PHC2: variants seen among roughly 807,000 people sequenced by gnomAD.
PHC2 encodes polyhomeotic homolog 2, also known as polyhomeotic-like protein 2.
A neutral mutation model predicts 87.4 loss-of-function variants in PHC2; 29 were observed. The observed-to-expected ratio is 0.33, with a 90% CI of 0.25 to 0.45. The LOEUF is 0.45. Ranked by LOEUF, PHC2 falls within the 20% of genes least tolerant of loss-of-function variation. PHC2 has a pLI of 1.00. For missense variants in PHC2, 857 were observed against 1,136.7 expected, an observed-to-expected ratio of 0.75 and a Z score of 3.54; for synonymous variants, 438 against 461.7, an observed-to-expected ratio of 0.95 and a Z score of 0.66.
chr1:33,424,163 A>C (rs1451879706), intron 1 of PHC2, among the ~76,000 whole-genome samples: 1 of 152,204 alleles, frequency 6.6e-6, no homozygotes, highest in Non-Finnish European at 1.5e-5. Flanking sequence ...TTGTTGAGTA[A>C]ATTAATACTA....
At chr1:33,336,934 A>G (rs1646650498) in intron 9 of PHC2, 1 of 152,258 alleles carries the variant, frequency 6.6e-6, no homozygotes, top group Non-Finnish European at 1.5e-5. Context: ...TGAGTTGATG[A>G]TTCAATCAAA....
chr1:33,393,186 G>A (rs1456466207), intron 1 of PHC2, among the ~76,000 whole-genome samples: 1 of 152,132 alleles, frequency 6.6e-6, no homozygotes, highest in African/African-American at 2.4e-5. Flanking sequence ...CTGGCGCCCA[G>A]AGCAACCTCG....
rs888137699 is a variant in PHC2 at position 33,430,970 on chromosome 1, C to G, written c.-55+6G>C. On this transcript the variant is annotated splice_donor_region_variant and intron_variant, in intron 1 of 14. Coordinates refer to ENST00000683057, the MANE Select transcript of PHC2 (RefSeq NM_001385109.1). ...TGGCCCCAGCGCGCACGCGCCCGCC[C>G]GTTACCTGCGGTCGCCTCCGCGCTC... The G allele has an allele frequency of 2.3e-4, 35 of 151,900 alleles. 1 individual carries two copies. The highest frequency in any genetic ancestry group is 1.9e-3 in the Admixed American group (29 of 15,252). 9.4% of individuals were successfully genotyped at this position (151,900 alleles called of 1,614,324 possible).
At chr1:33,326,875 G>C (rs1415958174) in intron 14 of PHC2, among the ~76,000 whole-genome samples, 3 of 152,180 alleles carry the variant, frequency 2.0e-5, no homozygotes, top group African/African-American at 7.2e-5. Flanking sequence ...CTTGAACCCA[G>C]GAGGCGGAGG....
chr1:33,342,241 T>G (rs910670276), intron 9 of PHC2, among the ~76,000 whole-genome samples: 8 of 152,198 alleles, frequency 5.3e-5, no homozygotes, highest in African/African-American at 1.9e-4. Flanking sequence ...TGGGTCTGGG[T>G]TGAAAGGTTT....
chr1:33,329,191 C>G (rs369427803), intron 13 of PHC2, 45 bp from the exon 14 acceptor site: 3 of 1,587,010 alleles, frequency 1.9e-6, no homozygotes, highest in African/African-American at 2.7e-5. Context: ...CAAACCATCT[C>G]TAGCAGCAGT....
At chr1:33,366,354 A>G (rs1570489198) in intron 7 of PHC2, among the ~76,000 whole-genome samples, 1 of 152,210 alleles carries the variant, frequency 6.6e-6, no homozygotes, top group South Asian at 2.1e-4. Context: ...TTTTCCCATT[A>G]AAGATTGCCT....
intron 1 of PHC2, among the ~76,000 whole-genome samples, chr1:33,384,770 A>C (rs577575306): frequency 1.5e-4 from 23 of 152,314 alleles, no homozygotes; most frequent in Admixed American, 2.6e-4. Flanking sequence ...CTGAACTTTA[A>C]TAGCATAGCA....
chr1:33,401,270 G>T (rs940180152), intron 1 of PHC2, among the ~76,000 whole-genome samples: 2 of 152,064 alleles, frequency 1.3e-5, no homozygotes, highest in Admixed American at 1.3e-4. Context: ...AGCTTGCAGT[G>T]AGCCGAGATT....
intron 1 of PHC2, among the ~76,000 whole-genome samples, chr1:33,405,363 G>C (rs1274685849): frequency 6.6e-6 from 1 of 151,906 alleles, no homozygotes; most frequent in Admixed American, 6.6e-5. Flanking sequence ...GCTAATTTTT[G>C]TATTTTTAGT....
intron 1 of PHC2, among the ~76,000 whole-genome samples, chr1:33,404,007 A>G (rs1649652109): frequency 6.6e-6 from 1 of 152,196 alleles, no homozygotes; most frequent in South Asian, 2.1e-4. Context: ...ATCTATGCCT[A>G]TGGCTTCAAT....
At chr1:33,326,531 T>C (rs1004200704) in intron 14 of PHC2, 1 of 152,228 alleles carries the variant, frequency 6.6e-6, no homozygotes, top group Non-Finnish European at 1.5e-5. Flanking sequence ...TTCAGAAGAA[T>C]ACCAATGCAG....
intron 1 of PHC2, among the ~76,000 whole-genome samples, chr1:33,423,399 C>T (rs1650507791): frequency 6.6e-6 from 1 of 152,110 alleles, no homozygotes; most frequent in Admixed American, 6.6e-5. Flanking sequence ...TGAAACCATC[C>T]ATCCCGTACA....
intron 1 of PHC2, among the ~76,000 whole-genome samples, chr1:33,381,430 T>C (rs1462843076): frequency 1.3e-5 from 2 of 152,194 alleles, no homozygotes; most frequent in Non-Finnish European, 2.9e-5. Context: ...TTCACTTCAG[T>C]ACCTTCCATC....
intron 7 of PHC2, chr1:33,363,081 G>A (rs893883578): frequency 1.1e-5 from 1 of 91,490 alleles, no homozygotes; most frequent in Non-Finnish European, 2.1e-5. Context: ...AGCAACCAGG[G>A]AAATAGTCTA....
chr1:33,370,891 C>T (rs891183854), intron 4 of PHC2, 126 bp downstream of exon 4: 28 of 817,202 alleles, frequency 3.4e-5, no homozygotes, highest in Non-Finnish European at 5.8e-5. Context: ...TTTTTCTTCC[C>T]GGTAAGGGCA....
chr1:33,371,930 GGA>G (rs534864256), intron 3 of PHC2, among the ~76,000 whole-genome samples: 1 of 152,198 alleles, frequency 6.6e-6, no homozygotes, highest in East Asian at 1.9e-4. Flanking sequence ...CAGCTAAGGA[GGA>G]GAGAGAGCAA....
Position 33,331,746 on chromosome 1 carries a change from G to C in PHC2, c.1892-284C>G. 1 of 363,220 alleles carries C rather than the reference G, an allele frequency of 2.8e-6. No homozygotes were observed. The highest frequency in any genetic ancestry group is 5.0e-6 in the Non-Finnish European group (1 of 200,570). 22.5% of individuals were successfully genotyped at this position (363,220 alleles called of 1,614,324 possible). A position where few individuals can be genotyped will look rare whatever the true frequency, so the allele number is the denominator to read the frequency against. ...GAAGAATCAGCATCAAATGACTGTG[G>C]AAGAAAGCAGGAGCCCCCAGGAAAT... On this transcript the variant is annotated intron_variant, in intron 11 of 14. Coordinates refer to ENST00000683057, the MANE Select transcript of PHC2 (RefSeq NM_001385109.1). This position sits in a 1 kb window ranked among gnomAD's most constrained non-coding sequence, Gnocchi z 5.2.
At chr1:33,352,245 A>G (rs1265575746) in intron 9 of PHC2, among the ~76,000 whole-genome samples, 2 of 152,196 alleles carry the variant, frequency 1.3e-5, no homozygotes, top group East Asian at 1.9e-4. Flanking sequence ...GGGGTCCCAT[A>G]TGGTACTTCT....
Sources: allele counts gnomAD v4.1 joint callset (sites outside exome capture counted in the v4.1 genomes callset), GRCh38; gene constraint gnomAD v4.1.1; non-coding constraint Gnocchi (gnomAD v3.1); transcripts MANE v1.5; gene names NCBI Gene and HGNC (gene_info 2026-07-23, HGNC 2026-07-21).